Variants in ARHGAP12 observed in about 807,000 individuals in gnomAD.
ARHGAP12 encodes rho GTPase-activating protein 12.
A neutral mutation model predicts 108.6 loss-of-function variants in ARHGAP12; 64 were observed. The ratio of observed to expected loss-of-function variants is 0.59; its 90% CI spans 0.48 to 0.73. ARHGAP12 has a LOEUF of 0.73. Among genes scored for constraint, ARHGAP12 ranks in the 30% least tolerant of loss-of-function variants. The pLI, the probability that ARHGAP12 is intolerant of heterozygous loss-of-function variation, is 0.00. For missense variants in ARHGAP12, 940 were observed against 1,005.9 expected, an observed-to-expected ratio of 0.93 and a Z score of 0.89; for synonymous variants, 312 against 337.2, an observed-to-expected ratio of 0.93 and a Z score of 0.82.
intron 9 of ARHGAP12, among the ~76,000 whole-genome samples, chr10:31,832,906 G>A (rs77024192): frequency 0.014 from 2,203 of 152,130 alleles, 57 homozygotes; most frequent in African/African-American, 0.051. Flanking sequence ...TGGGGACTTG[G>A]GAAATAGCCC....
chr10:31,908,845 G>C lies in ARHGAP12; in HGVS notation c.11C>G (p.Ala4Gly), dbSNP rs191213349. Reference protein sequence around the residue: MKMADRSGKIIPGQ... With the variant: MKMGDRSGKIIPGQ... Reference sequence around the variant, plus strand: ...TGGAATAATCTTCCCACTTCTGTCAGCCATTTTCATTCAATAATATTCACC... The same window carrying C: ...TGGAATAATCTTCCCACTTCTGTCACCCATTTTCATTCAATAATATTCACC... The change falls in exon 3 of 20, where the codon GCT (alanine) becomes GGT (glycine). Residue 4 changes from alanine (A) to glycine (G), a missense_variant. Physicochemically the swap from Ala to Gly is moderately conservative, Grantham distance 60. Transcript: ENST00000344936. 24 of 1,588,514 alleles carry C rather than the reference G, an allele frequency of 1.5e-5. No homozygotes were observed. The East Asian group carries it at 3.6e-4, about 24-fold the overall frequency.
At chr10:31,841,504 C>A (rs575239365) in intron 7 of ARHGAP12, among the ~76,000 whole-genome samples, 1 of 152,278 alleles carries the variant, frequency 6.6e-6, no homozygotes, top group East Asian at 1.9e-4. Flanking sequence ...TGCACAGAGG[C>A]ATCTAGCCCC....
At chr10:31,891,371 T>C (rs1399986128) in intron 3 of ARHGAP12, among the ~76,000 whole-genome samples, 2 of 152,228 alleles carry the variant, frequency 1.3e-5, no homozygotes, top group East Asian at 3.8e-4. Flanking sequence ...AAATTCTGGG[T>C]TGAAAATTAT....
intron 3 of ARHGAP12, among the ~76,000 whole-genome samples, chr10:31,891,770 T>G (rs1838449274): frequency 6.6e-6 from 1 of 152,190 alleles, no homozygotes; most frequent in Non-Finnish European, 1.5e-5. Context: ...CTTGGAGGCT[T>G]TGTTCGTTTC....
At chr10:31,824,976 CAT>C (rs1316499201) in intron 11 of ARHGAP12, among the ~76,000 whole-genome samples, 5 of 152,130 alleles carry the variant, frequency 3.3e-5, no homozygotes, top group East Asian at 3.8e-4. Context: ...AAGAGCCCCA[CAT>C]GTTTCACCTC....
intron 3 of ARHGAP12, among the ~76,000 whole-genome samples, chr10:31,897,626 C>T (rs753546085): frequency 4.6e-5 from 7 of 152,084 alleles, no homozygotes; most frequent in Non-Finnish European, 1.0e-4. Flanking sequence ...ACAACTACAG[C>T]GAACATTAAA....
chr10:31,873,210 A>G (rs2132340805), intron 3 of ARHGAP12, among the ~76,000 whole-genome samples: 2 of 152,336 alleles, frequency 1.3e-5, no homozygotes, highest in Middle Eastern at 6.8e-3. Context: ...CAGCACGCAA[A>G]TTACTGAGAT....
intron 3 of ARHGAP12, among the ~76,000 whole-genome samples, chr10:31,867,926 A>G (rs1393905337): frequency 1.3e-5 from 2 of 152,132 alleles, no homozygotes; most frequent in African/African-American, 4.8e-5. Flanking sequence ...CTGGCCAGGC[A>G]CAGTGGCTTA....
chr10:31,812,076 TCTTTA>T (rs1203656778), intron 15 of ARHGAP12, among the ~76,000 whole-genome samples: 3 of 152,234 alleles, frequency 2.0e-5, no homozygotes, highest in African/African-American at 7.2e-5. Flanking sequence ...GACTATATTA[TCTTTA>T]CTTTTATTTT....
Position 31,910,537 on chromosome 10 carries a change from A to C in ARHGAP12, c.-84T>G, listed in dbSNP as rs1385727908. Reference sequence around the variant, plus strand: ...AATAAAAAATTACCTTAGAACAAGGAGATCTACACCAGTATCACATTTAAA... The same window carrying C: ...AATAAAAAATTACCTTAGAACAAGGCGATCTACACCAGTATCACATTTAAA... On this transcript the variant is annotated 5_prime_UTR_variant, in exon 2 of 20. Transcript: ENST00000344936. 2 of 152,262 alleles carry C rather than the reference A, an allele frequency of 1.3e-5. No individual in the cohort carries two copies. The highest frequency in any genetic ancestry group is 1.3e-4 in the Admixed American group (2 of 15,286). The allele number at this position is 152,262 out of a possible 1,614,324, so 9.4% of individuals were successfully genotyped here.
intron 3 of ARHGAP12, among the ~76,000 whole-genome samples, chr10:31,866,118 C>T (rs1279697450): frequency 1.3e-5 from 2 of 152,040 alleles, no homozygotes; most frequent in South Asian, 2.1e-4. Flanking sequence ...AAGAACCAGA[C>T]TAAGTGATGG....
At chr10:31,904,719 T>C (rs1839057021) in intron 3 of ARHGAP12, among the ~76,000 whole-genome samples, 1 of 152,162 alleles carries the variant, frequency 6.6e-6, no homozygotes. Context: ...CTCTGCCTCC[T>C]GGGCTCAAAT....
intron 3 of ARHGAP12, among the ~76,000 whole-genome samples, chr10:31,887,090 G>A (rs1277077868): frequency 1.3e-5 from 2 of 152,194 alleles, no homozygotes; most frequent in Non-Finnish European, 1.5e-5. Context: ...ATTTTAAGAT[G>A]TATTTATTTT....
chr10:31,914,283 T>C (rs944225447), intron 1 of ARHGAP12, among the ~76,000 whole-genome samples: 9 of 152,186 alleles, frequency 5.9e-5, no homozygotes, highest in Non-Finnish European at 8.8e-5. Context: ...TTTCTTTCTA[T>C]AGTAGGTTCA....
intron 14 of ARHGAP12, among the ~76,000 whole-genome samples, chr10:31,813,837 T>C (rs1835104042): frequency 6.6e-6 from 1 of 152,226 alleles, no homozygotes; most frequent in South Asian, 2.1e-4. Context: ...AGACACATCC[T>C]AGTCCAGAGA....
At chr10:31,829,857 T>C (rs1835765811) in intron 10 of ARHGAP12, among the ~76,000 whole-genome samples, 2 of 152,158 alleles carry the variant, frequency 1.3e-5, no homozygotes, top group Admixed American at 1.3e-4. Context: ...TGCACAATTA[T>C]CTGAACATAT....
At chr10:31,911,830 T>C (rs572739203) in intron 1 of ARHGAP12, among the ~76,000 whole-genome samples, 16 of 152,318 alleles carry the variant, frequency 1.1e-4, no homozygotes, top group East Asian at 9.6e-4. Flanking sequence ...AAATCCAGAA[T>C]GTGAGACATT....
chr10:31,893,477 A>T (rs533964655), intron 3 of ARHGAP12, among the ~76,000 whole-genome samples: 3 of 152,348 alleles, frequency 2.0e-5, no homozygotes, highest in African/African-American at 7.2e-5. Context: ...CCTCTATGCA[A>T]ATAAACTAGA....
At chr10:31,826,443 C>CA in intron 10 of ARHGAP12, 58 bp from the exon 11 acceptor site, 1 of 1,442,194 alleles carries the variant, frequency 6.9e-7, no homozygotes, top group Non-Finnish European at 9.6e-7. Context: ...CAGCCAAATT[C>CA]AAAAAATTAA....
Sources: allele counts gnomAD v4.1 joint callset (sites outside exome capture counted in the v4.1 genomes callset), GRCh38; gene constraint gnomAD v4.1.1; transcripts MANE v1.5; gene names NCBI Gene and HGNC (gene_info 2026-07-23, HGNC 2026-07-21).